Variants in KLHL36 observed in about 807,000 individuals in gnomAD.
KLHL36 encodes the protein kelch-like protein 36.
In KLHL36, 35 loss-of-function variants were observed where a neutral mutation model predicts 53.3. That is an observed-to-expected ratio of 0.66 (90% CI 0.50 to 0.87). The LOEUF is 0.87. Ranked by LOEUF, KLHL36 falls within the 40% of genes least tolerant of loss-of-function variation. The pLI is 0.00. For synonymous variants in KLHL36, 472 were observed against 398.9 expected (o/e 1.18, Z -2.18); for missense variants, 864 against 897.6 (o/e 0.96, Z 0.48).
chr16:84,659,706 T>C (rs1907431551), intron 3 of KLHL36, 54 bp from the exon 4 acceptor site: 1 of 1,582,690 alleles, frequency 6.3e-7, no homozygotes, highest in Non-Finnish European at 8.6e-7. Flanking sequence ...GCGCCAGATG[T>C]TGATGCTGTC....
At position 84,656,737 on chromosome 16, in the gene KLHL36, G is replaced by C. The variant is rs1163748566; in HGVS notation, c.64-134G>C. ...CTCAGAAACACCTGTACTTCCTGCAGTGCCCTCTGATGCAGCATTTTATTT... is the reference window on the plus strand; with the variant it reads ...CTCAGAAACACCTGTACTTCCTGCACTGCCCTCTGATGCAGCATTTTATTT... On this transcript the variant is annotated intron_variant, in intron 2 of 4. Coordinates refer to ENST00000564996, the MANE Select transcript of KLHL36 (RefSeq NM_024731.4). 1.6e-5 allele frequency: 11 copies of C among 672,610 alleles called. No homozygotes were observed. In the South Asian group the frequency reaches 1.9e-4, roughly 11 times the overall value. 41.7% of individuals were successfully genotyped at this position (672,610 alleles called of 1,614,324 possible).
chr16:84,657,490 C>T lies in KLHL36; in HGVS notation c.683C>T (p.Ala228Val), dbSNP rs761831577. 15 of 1,608,022 alleles carry T rather than the reference C, an allele frequency of 9.3e-6. No individual in the cohort carries two copies. Among genetic ancestry groups the T allele is most frequent in the Non-Finnish European group, 1.3e-5 (15 of 1,179,870 alleles). Residue 228 changes from alanine (A) to valine (V), a missense_variant, in exon 3 of 5, where the codon GCC (alanine) becomes GTC (valine). Ala to Val is a moderately conservative substitution (Grantham distance 64). Coordinates refer to ENST00000564996, the MANE Select transcript of KLHL36 (RefSeq NM_024731.4). ...LTQQPEREAH[A>V]RQVLENIHFP... is the part of the protein sequence containing the mutation. ...CAGCAGCCCGAGCGCGAGGCCCACGCCCGCCAGGTGCTGGAGAACATCCAC... is the reference window on the plus strand; with the variant it reads ...CAGCAGCCCGAGCGCGAGGCCCACGTCCGCCAGGTGCTGGAGAACATCCAC...
intron 2 of KLHL36, among the ~76,000 whole-genome samples, chr16:84,655,996 G>T (rs1412572821): frequency 2.0e-5 from 3 of 151,546 alleles, no homozygotes; most frequent in Non-Finnish European, 4.4e-5. Context: ...GGGCTTGAGC[G>T]ATCCTCCTGC....
At position 84,665,037 on chromosome 16, in the gene KLHL36, A is replaced by C. The variant is rs1907764007; in HGVS notation, c.*2904A>C. 6.6e-6 allele frequency: 1 copy of C among 152,200 alleles called. No individual in the cohort carries two copies. Among genetic ancestry groups the C allele is most frequent in the Admixed American group, 6.5e-5 (1 of 15,282 alleles). 9.4% of individuals were successfully genotyped at this position (152,200 alleles called of 1,614,324 possible). A position where few individuals can be genotyped will look rare whatever the true frequency, so the allele number is the denominator to read the frequency against. ...TGAGACCCTGTCTCAAAAGAATAAA[A>C]TGTTTTTTAACTCAGATGGGCAGAG... On this transcript the variant is annotated 3_prime_UTR_variant, in exon 5 of 5. Coordinates refer to ENST00000564996, the MANE Select transcript of KLHL36 (RefSeq NM_024731.4).
Position 84,659,528 on chromosome 16 carries a change from T to C in KLHL36, c.1138-232T>C, listed in dbSNP as rs540800438. The C allele has an allele frequency of 1.0e-4, 51 of 500,710 alleles. No individual in the cohort carries two copies. In the South Asian group the frequency reaches 1.3e-3, roughly 13 times the overall value. 31.0% of individuals were successfully genotyped at this position (500,710 alleles called of 1,614,324 possible). ...GGTTCAGAGCATCTCCATCCCCCTTTTGGGGACTCAGAGCGTCTCCATCCC... is the reference window on the plus strand; with the variant it reads ...GGTTCAGAGCATCTCCATCCCCCTTCTGGGGACTCAGAGCGTCTCCATCCC... On this transcript the variant is annotated intron_variant, in intron 3 of 4. Transcript: ENST00000564996.
chr16:84,657,224 G>A lies in KLHL36; in HGVS notation c.417G>A (p.Leu139=). ...WTVVDFCCEY[L]EQEVSEDNYL... is the part of the protein sequence containing the mutation. ...TGGTAGACTTCTGCTGTGAGTACCT[G>A]GAGCAGGAGGTGAGCGAGGACAACT... Residue 139 remains leucine, a synonymous_variant, in exon 3 of 5, where the codon CTG becomes CTA. Transcript: ENST00000564996. 6.2e-7 allele frequency: 1 copy of A among 1,614,170 alleles called. No homozygotes were observed. Among genetic ancestry groups the A allele is most frequent in the South Asian group, 1.1e-5 (1 of 91,086 alleles).
chr16:84,665,737 C>T lies in KLHL36; in HGVS notation c.*3604C>T, dbSNP rs572720341. 2 of 152,362 alleles carry T rather than the reference C, an allele frequency of 1.3e-5. No individual in the cohort carries two copies. Among genetic ancestry groups the T allele is most frequent in the Non-Finnish European group, 2.9e-5 (2 of 68,070 alleles). The allele number at this position is 152,362 out of a possible 1,614,324, so 9.4% of individuals were successfully genotyped here. On this transcript the variant is annotated 3_prime_UTR_variant, in exon 5 of 5. Transcript: ENST00000564996. ...GAAGTGGGGTCCATCCTCTGAGGTC[C>T]AGGGGCCTACTTTGTGAGCTCAGTT...
At chr16:84,653,074 G>A (rs549590716) in intron 2 of KLHL36, among the ~76,000 whole-genome samples, 7 of 152,160 alleles carry the variant, frequency 4.6e-5, no homozygotes, top group East Asian at 3.9e-4. Flanking sequence ...AAAATTAGCC[G>A]AGCCTGGTGG....
rs375651371 is a variant in KLHL36, at chr16:84,650,937, G to A, written c.63+7G>A. ...GATCAGCGAATCATCAAAGGTCTGT[G>A]AATGTTCACTCACCACCTATGCAAA... On this transcript the variant is annotated splice_region_variant and intron_variant, in intron 2 of 4. Coordinates refer to ENST00000564996, the MANE Select transcript of KLHL36 (RefSeq NM_024731.4). 3 of 1,607,290 alleles carry A rather than the reference G, an allele frequency of 1.9e-6. No individual in the cohort carries two copies. The highest frequency in any genetic ancestry group is 2.5e-6 in the Non-Finnish European group (3 of 1,177,052).
intron 2 of KLHL36, among the ~76,000 whole-genome samples, chr16:84,654,536 C>G (rs1907088192): frequency 6.6e-6 from 1 of 152,188 alleles, no homozygotes. Context: ...CCTGTAGTCC[C>G]AGCTGCCAAG....
At chr16:84,650,348 G>A (rs930201684) in intron 1 of KLHL36, among the ~76,000 whole-genome samples, 1 of 152,150 alleles carries the variant, frequency 6.6e-6, no homozygotes, top group Non-Finnish European at 1.5e-5. Flanking sequence ...CATGGTGATG[G>A]ATCCAGGTTT....
At chr16:84,653,993 A>T (rs1427890232) in intron 2 of KLHL36, among the ~76,000 whole-genome samples, 2 of 152,214 alleles carry the variant, frequency 1.3e-5, no homozygotes, top group African/African-American at 4.8e-5. Context: ...AGTTTTGGAA[A>T]CAACACTGCT....
At chr16:84,658,167 A>T (rs551750365) in intron 3 of KLHL36, 1 of 420,876 alleles carries the variant, frequency 2.4e-6, no homozygotes, top group South Asian at 6.8e-5. Flanking sequence ...TCAGAGCAGC[A>T]CTGCCTGGCG....
rs546712970 is a variant in KLHL36 at position 84,666,576 on chromosome 16, A to G, written c.*4443A>G. 1 of 152,314 alleles carries G rather than the reference A, an allele frequency of 6.6e-6. No individual in the cohort carries two copies. The highest frequency in any genetic ancestry group is 2.4e-5 in the African/African-American group (1 of 41,572). The allele number at this position is 152,314 out of a possible 1,614,324, so 9.4% of individuals were successfully genotyped here. A position where few individuals can be genotyped will look rare whatever the true frequency, so the allele number is the denominator to read the frequency against. ...TGCCATACGGGTCATTTCTTGATCA[A>G]ATATATGACTGGGGTCCTGGTTTAC... On this transcript the variant is annotated 3_prime_UTR_variant, in exon 5 of 5. Coordinates refer to ENST00000564996, the MANE Select transcript of KLHL36 (RefSeq NM_024731.4).
rs1317567886 is a variant in KLHL36, at chr16:84,664,137, AC to A, written c.*2005del. On this transcript the variant is annotated 3_prime_UTR_variant, in exon 5 of 5. Transcript: ENST00000564996. Reference sequence around the variant, plus strand: ...ATACCTAGTCCCAGACCCCCACAAAACATGTTTTGCAGAACTTCTGCCAACT... The same window carrying A: ...ATACCTAGTCCCAGACCCCCACAAAAATGTTTTGCAGAACTTCTGCCAACT... 1 of 152,166 alleles carries A rather than the reference AC, an allele frequency of 6.6e-6. No individual in the cohort carries two copies. Among genetic ancestry groups the A allele is most frequent in the Non-Finnish European group, 1.5e-5 (1 of 68,030 alleles). 9.4% of individuals were successfully genotyped at this position (152,166 alleles called of 1,614,324 possible).
At position 84,661,587 on chromosome 16, in the gene KLHL36, C is replaced by T. The variant is rs748054683; in HGVS notation, c.1305C>T (p.Tyr435=). ...SYVAGLPRFT[Y]GHAGTIYKDF... is the part of the protein sequence containing the mutation. ...CCCGTCGACCCTGCAGGTTCACGTA[C>T]GGCCACGCGGGCACCATCTACAAAG... Residue 435 remains tyrosine, a synonymous_variant, in exon 5 of 5, where the codon TAC becomes TAT. Coordinates refer to ENST00000564996, the MANE Select transcript of KLHL36 (RefSeq NM_024731.4). This position sits in a 1 kb window ranked among gnomAD's most constrained non-coding sequence, Gnocchi z 7.9. 6.3e-6 allele frequency: 10 copies of T among 1,585,722 alleles called. No homozygotes were observed. The highest frequency in any genetic ancestry group is 4.5e-5 in the East Asian group (2 of 44,448).
In KLHL36 at chr16:84,663,456, G is replaced by T. The variant is rs748177974; in HGVS notation, c.*1323G>T. 1 of 150,664 alleles carries T rather than the reference G, an allele frequency of 6.6e-6. No individual in the cohort carries two copies. Among genetic ancestry groups the T allele is most frequent in the Non-Finnish European group, 1.5e-5 (1 of 67,738 alleles). The allele number at this position is 150,664 out of a possible 1,614,324, so 9.3% of individuals were successfully genotyped here. ...TTAGCTGCCCGAGTGGATGAGAAAC[G>T]TGCAGAACTATGGGAGGATAGGAGT... On this transcript the variant is annotated 3_prime_UTR_variant, in exon 5 of 5. Coordinates refer to ENST00000564996, the MANE Select transcript of KLHL36 (RefSeq NM_024731.4).
rs141922073 is a variant in KLHL36 at position 84,661,938 on chromosome 16, C to T, written c.1656C>T (p.Gly552=). Residue 552 remains glycine (G), a synonymous_variant, in exon 5 of 5, where the codon GGC becomes GGT. Transcript: ENST00000564996. This position sits in a 1 kb window ranked among gnomAD's most constrained non-coding sequence, Gnocchi z 7.9. ...GGGAGGGCCGCATCTACATCCTGGGCGGCTACAGCTGGGAGAACACTGCCT... is the reference window on the plus strand; with the variant it reads ...GGGAGGGCCGCATCTACATCCTGGGTGGCTACAGCTGGGAGAACACTGCCT... The part of the protein sequence containing the change: ...AVWEGRIYIL[G]GYSWENTAFS... The T allele has an allele frequency of 1.4e-4, 222 of 1,600,782 alleles. No individual in the cohort carries two copies. The highest frequency in any genetic ancestry group is 1.8e-4 in the Non-Finnish European group (217 of 1,173,960).
At position 84,662,140 on chromosome 16, in the gene KLHL36, C is replaced by G. The variant is rs1324901961; in HGVS notation, c.*7C>G. On this transcript the variant is annotated 3_prime_UTR_variant, in exon 5 of 5. Transcript: ENST00000564996. ...CCAGGACCGGGGCCAGTGACCCTAG[C>G]TGCGCCTCTTGGGACCATCCTCACC... The G allele has an allele frequency of 6.6e-7, 1 of 1,514,988 alleles. No homozygotes were observed. The highest frequency in any genetic ancestry group is 1.2e-5 in the South Asian group (1 of 81,160). The allele number at this position is 1,514,988 out of a possible 1,614,324, so 93.8% of individuals were successfully genotyped here. A position where few individuals can be genotyped will look rare whatever the true frequency, so the allele number is the denominator to read the frequency against.
Sources: gnomAD v4.1 joint callset for allele counts (sites outside exome capture counted in the v4.1 genomes callset) on GRCh38, gnomAD v4.1.1 for gene constraint, Gnocchi (gnomAD v3.1) non-coding constraint, MANE v1.5 for transcripts, NCBI Gene and HGNC (gene_info 2026-07-23, HGNC 2026-07-21) for gene names.